Variants in OR51B5 observed in about 807,000 individuals in gnomAD.
The protein encoded by OR51B5 is olfactory receptor family 51 subfamily B member 5.
For missense variants in OR51B5, 456 were observed against 374.6 expected (o/e 1.22, Z -1.79); for synonymous variants, 186 against 144.8 (o/e 1.28, Z -2.04).
chr11:5,426,741 G>C (rs1850456016), intron 1 of OR51B5, among the ~76,000 whole-genome samples: 1 of 152,098 alleles, frequency 6.6e-6, no homozygotes, highest in Non-Finnish European at 1.5e-5. Flanking sequence ...GTCTCTCTCT[G>C]TCTCCCTGTT....
At chr11:5,438,866 G>A (rs529766256) in intron 1 of OR51B5, among the ~76,000 whole-genome samples, 2 of 152,238 alleles carry the variant, frequency 1.3e-5, no homozygotes, top group Admixed American at 6.5e-5. Flanking sequence ...AGAGATAGAC[G>A]CAATCTGCAG....
chr11:5,377,228 G>A (rs1266119928), intron 1 of OR51B5, among the ~76,000 whole-genome samples: 1 of 152,106 alleles, frequency 6.6e-6, no homozygotes, highest in African/African-American at 2.4e-5. Context: ...TATCTCAATA[G>A]ATGCAGAAAA....
chr11:5,478,265 C>A (rs905937326), intron 1 of OR51B5, among the ~76,000 whole-genome samples: 4 of 152,042 alleles, frequency 2.6e-5, no homozygotes, highest in African/African-American at 4.8e-5. Flanking sequence ...ACACCTCACA[C>A]GGCAGGGTAT....
intron 1 of OR51B5, among the ~76,000 whole-genome samples, chr11:5,363,058 T>C (rs1414550073): frequency 5.3e-5 from 8 of 151,670 alleles, no homozygotes; most frequent in Admixed American, 1.3e-4. Flanking sequence ...ATGCAAGTGT[T>C]GTAAAATGTG....
At chr11:5,467,808 C>T (rs370601161) in intron 1 of OR51B5, among the ~76,000 whole-genome samples, 1 of 152,196 alleles carries the variant, frequency 6.6e-6, no homozygotes, top group East Asian at 1.9e-4. Context: ...CTTGCCAGCC[C>T]ATCAATCAAC....
At chr11:5,380,298 T>A (rs1271536710) in intron 1 of OR51B5, among the ~76,000 whole-genome samples, 1 of 152,128 alleles carries the variant, frequency 6.6e-6, no homozygotes, top group African/African-American at 2.4e-5. Flanking sequence ...GGCAGGGGGA[T>A]GGACAAAATG....
chr11:5,424,571 A>C (rs1044151637), intron 1 of OR51B5, among the ~76,000 whole-genome samples: 3 of 152,018 alleles, frequency 2.0e-5, no homozygotes. Context: ...AGGAAAAGGC[A>C]GGCTTCATCC....
chr11:5,477,687 T>C (rs1298730581), intron 1 of OR51B5, among the ~76,000 whole-genome samples: 32 of 152,176 alleles, frequency 2.1e-4, no homozygotes, highest in African/African-American at 5.8e-4. Context: ...GGGTGAGGCA[T>C]TGCCTCACTT....
intron 1 of OR51B5, among the ~76,000 whole-genome samples, chr11:5,389,120 G>C (rs567719515): frequency 1.3e-5 from 2 of 152,240 alleles, no homozygotes; most frequent in African/African-American, 4.8e-5. Context: ...AAATTGCCAA[G>C]GATGGGAAGA....
In OR51B5 at chr11:5,463,817, T is replaced by A. The variant is rs372140199; in HGVS notation, n.84+41752A>T. ...TCTAAAGAGATACAGGAGGGATATGTCAACATATCCTGAGATTTGTTTGCT... is the reference window on the plus strand; with the variant it reads ...TCTAAAGAGATACAGGAGGGATATGACAACATATCCTGAGATTTGTTTGCT... On this transcript the variant is annotated intron_variant and non_coding_transcript_variant, in intron 1 of 4. Transcript: ENST00000415970. Among the ~76,000 whole-genome samples the A allele has an allele frequency of 4.3e-4, 65 of 152,336 alleles. No individual in the cohort carries two copies. The South Asian group carries it at 0.011, about 25-fold the overall frequency.
intron 1 of OR51B5, among the ~76,000 whole-genome samples, chr11:5,397,146 A>T (rs536958433): frequency 1.3e-5 from 2 of 152,366 alleles, no homozygotes; most frequent in African/African-American, 2.4e-5. Context: ...AGGCATGGGC[A>T]TGGACTTCAT....
intron 1 of OR51B5, among the ~76,000 whole-genome samples, chr11:5,394,436 C>T (rs1849838996): frequency 6.6e-6 from 1 of 152,188 alleles, no homozygotes. Flanking sequence ...CATATTCCTG[C>T]TAATGACAGT....
intron 1 of OR51B5, among the ~76,000 whole-genome samples, chr11:5,381,112 C>A (rs111996173): frequency 8.5e-6 from 1 of 117,222 alleles, no homozygotes; most frequent in East Asian, 2.3e-4. Flanking sequence ...CTTTCCACCC[C>A]ACCATACCCC....
At chr11:5,491,167 A>G (rs1851575631) in intron 1 of OR51B5, among the ~76,000 whole-genome samples, 5 of 152,230 alleles carry the variant, frequency 3.3e-5, no homozygotes, top group African/African-American at 9.6e-5. Context: ...TAATGAAAAT[A>G]TATGTCTACA....
chr11:5,505,628 C>T, exon 1 of OR51B5: 1 of 461,360 alleles, frequency 2.2e-6, no homozygotes. Context: ...TCACATCCTA[C>T]TGGAATGGCA....
intron 1 of OR51B5, among the ~76,000 whole-genome samples, chr11:5,378,775 C>G (rs917353624): frequency 1.1e-4 from 17 of 151,734 alleles, no homozygotes; most frequent in African/African-American, 4.1e-4. Flanking sequence ...CCATCTCATA[C>G]CAGTTAGAAT....
At position 5,476,021 on chromosome 11, in the gene OR51B5, T is replaced by A. The variant is rs1851300472; in HGVS notation, n.84+29548A>T. Among the ~76,000 whole-genome samples the A allele has an allele frequency of 5.3e-5, 8 of 152,206 alleles. No homozygotes were observed. In the South Asian group the frequency reaches 1.7e-3, roughly 32 times the overall value. ...AATTCCAGTCCAAACCCTCTCTTCA[T>A]GCCTCACATAAAATCCTCATAAAGT... is the stretch of plus-strand genomic sequence containing the variant. On this transcript the variant is annotated intron_variant and non_coding_transcript_variant, in intron 1 of 4. Transcript: ENST00000415970.
chr11:5,479,509 C>A (rs1229141998), intron 1 of OR51B5, among the ~76,000 whole-genome samples: 1 of 149,340 alleles, frequency 6.7e-6, no homozygotes, highest in Non-Finnish European at 1.5e-5. Flanking sequence ...TCACACATAA[C>A]AATATTAACT....
At chr11:5,482,602 A>G (rs2133809219) in intron 1 of OR51B5, among the ~76,000 whole-genome samples, 1 of 121,022 alleles carries the variant, frequency 8.3e-6, no homozygotes, top group Non-Finnish European at 1.7e-5. Flanking sequence ...TTCACAACCT[A>G]CTCATCTGAC....
Sources: gnomAD v4.1 joint callset for allele counts (sites outside exome capture counted in the v4.1 genomes callset) on GRCh38, gnomAD v4.1.1 for gene constraint, MANE v1.5 for transcripts, NCBI Gene and HGNC (gene_info 2026-07-23, HGNC 2026-07-21) for gene names.